PANK1: variants seen among roughly 807,000 people sequenced by gnomAD.
PANK1 encodes pantothenate kinase 1.
In PANK1, 18 loss-of-function variants were observed where a neutral mutation model predicts 40.1. That is an observed-to-expected ratio of 0.45 (90% CI 0.31 to 0.67). The LOEUF (loss-of-function observed/expected upper bound fraction) is 0.67, where lower values mean the gene tolerates loss of function less well. Ranked by LOEUF, PANK1 falls within the 30% of genes least tolerant of loss-of-function variation. The pLI is 0.06. For synonymous variants in PANK1, 242 were observed against 237.7 expected (o/e 1.02, Z -0.17); for missense variants, 457 against 599.6 (o/e 0.76, Z 2.48).
At chr10:89,595,860 ATATATATATATAT>A (rs1844576536) in intron 3 of PANK1, among the ~76,000 whole-genome samples, 2 of 120,484 alleles carry the variant, frequency 1.7e-5, no homozygotes, top group Non-Finnish European at 3.3e-5. Context: ...ATATATATAT[ATATATATATATAT>A]AACTTCATTT....
At chr10:89,610,409 T>C (rs542846972) in intron 2 of PANK1, among the ~76,000 whole-genome samples, 3 of 152,084 alleles carry the variant, frequency 2.0e-5, no homozygotes, top group Non-Finnish European at 4.4e-5. Flanking sequence ...CTGTGGGTCA[T>C]TTAAGTAAGT....
intron 1 of PANK1, among the ~76,000 whole-genome samples, chr10:89,631,678 G>A (rs994411116): frequency 6.6e-6 from 1 of 152,210 alleles, no homozygotes; most frequent in Non-Finnish European, 1.5e-5. Context: ...TGATTCCAAA[G>A]CAGCTTTTTG....
chr10:89,591,258 A>T (rs960650713), intron 5 of PANK1, among the ~76,000 whole-genome samples: 21 of 151,880 alleles, frequency 1.4e-4, no homozygotes, highest in African/African-American at 5.1e-4. Context: ...AAAAAACCCT[A>T]AAAAAAATGG....
chr10:89,600,874 A>C (rs1016818709), intron 2 of PANK1, among the ~76,000 whole-genome samples: 1 of 152,178 alleles, frequency 6.6e-6, no homozygotes, highest in African/African-American at 2.4e-5. Flanking sequence ...TTTTTAAAAA[A>C]TCTCTTTAAA....
rs1845164598 is a variant in PANK1 at position 89,611,846 on chromosome 10, T to A, written c.495A>T (p.Gly165=). The A allele has an allele frequency of 6.2e-7, 1 of 1,614,078 alleles. No individual in the cohort carries two copies. The highest frequency in any genetic ancestry group is 1.1e-5 in the South Asian group (1 of 91,086). ...HLELKNLTMC[G]RKGNLHFIRF... is the part of the protein sequence containing the mutation. ...GGATGAAGTGCAGGTTCCCTTTGCGTCCACACATGGTCAGGTTTTTCAGTT... is the reference window on the plus strand; with the variant it reads ...GGATGAAGTGCAGGTTCCCTTTGCGACCACACATGGTCAGGTTTTTCAGTT... The change falls in exon 2 of 7, where the codon GGA becomes GGT. Residue 165 remains glycine, a synonymous_variant. Transcript: ENST00000307534.
intron 1 of PANK1, among the ~76,000 whole-genome samples, chr10:89,635,084 AATG>A (rs1296422247): frequency 3.3e-5 from 5 of 152,154 alleles, no homozygotes; most frequent in African/African-American, 1.2e-4. Flanking sequence ...AAATAACAGC[AATG>A]ATATTAATAT....
At chr10:89,600,754 G>C (rs908491971) in intron 2 of PANK1, among the ~76,000 whole-genome samples, 1 of 151,946 alleles carries the variant, frequency 6.6e-6, no homozygotes, top group African/African-American at 2.4e-5. Context: ...ATTACTACTG[G>C]CCCAGAGATC....
intron 1 of PANK1, among the ~76,000 whole-genome samples, chr10:89,622,842 A>G (rs1845533304): frequency 6.6e-6 from 1 of 152,122 alleles, no homozygotes; most frequent in African/African-American, 2.4e-5. Flanking sequence ...ATTCCAAAAA[A>G]AAAAAAAACT....
At chr10:89,616,234 A>G in intron 1 of PANK1, among the ~76,000 whole-genome samples, 1 of 152,248 alleles carries the variant, frequency 6.6e-6, no homozygotes, top group Middle Eastern at 3.2e-3. Flanking sequence ...CAAGTGCTAC[A>G]GATAAAATGG....
chr10:89,588,732 T>C lies in PANK1; in HGVS notation c.1246A>G (p.Met416Val). 6.2e-7 allele frequency: 1 copy of C among 1,605,014 alleles called. No individual in the cohort carries two copies. The highest frequency in any genetic ancestry group is 1.1e-5 in the South Asian group (1 of 89,442). ...VFVGNFLRINMVSMKLLAYAM... is the reference protein window; with the variant it reads ...VFVGNFLRINVVSMKLLAYAM... ...TATGCCAGCAGCTTCATGGAGACCA[T>C]ATTGATTCTGAGAAAATTTCCAACA... is the stretch of plus-strand genomic sequence containing the variant. The change falls in exon 6 of 7, where the codon ATG becomes GTG. Residue 416 changes from methionine (M) to valine (V), a missense_variant. Met to Val is a conservative substitution (Grantham distance 21). Around this residue, in one of 4 missense-constraint regions of PANK1, gnomAD observed 286 missense variants for 415.8 expected, o/e 0.69. Transcript: ENST00000307534.
In PANK1 at chr10:89,599,515, AAC is replaced by A. The variant is rs1481377063; in HGVS notation, c.646-12_646-11del. 6.2e-7 allele frequency: 1 copy of A among 1,608,858 alleles called. No homozygotes were observed. The highest frequency in any genetic ancestry group is 2.2e-5 in the East Asian group (1 of 44,824). Reference sequence around the variant, plus strand: ...GCTGCAGGTCAGCAATCTAAAACAAAACACACAACAAAATAAAACCTTGTGAG... The same window carrying A: ...GCTGCAGGTCAGCAATCTAAAACAAAACACAACAAAATAAAACCTTGTGAG... On this transcript the variant is annotated splice_polypyrimidine_tract_variant and intron_variant, in intron 2 of 6. Transcript: ENST00000307534.
intron 3 of PANK1, among the ~76,000 whole-genome samples, chr10:89,595,520 A>T (rs892922737): frequency 1.3e-5 from 2 of 151,312 alleles, no homozygotes; most frequent in African/African-American, 4.9e-5. Context: ...TCATTTGTAT[A>T]AAAGTATACT....
intron 1 of PANK1, among the ~76,000 whole-genome samples, chr10:89,623,841 C>T (rs201714528): frequency 2.8e-4 from 42 of 152,316 alleles, no homozygotes; most frequent in African/African-American, 8.9e-4. Flanking sequence ...GCCTGTTAGA[C>T]GCTTGATACC....
At chr10:89,622,884 A>C (rs1302541963) in intron 1 of PANK1, among the ~76,000 whole-genome samples, 2 of 152,136 alleles carry the variant, frequency 1.3e-5, no homozygotes, top group Non-Finnish European at 1.5e-5. Context: ...ATAATAAGAA[A>C]ACTAATTTAT....
At chr10:89,614,792 CT>C (rs777831033) in intron 1 of PANK1, among the ~76,000 whole-genome samples, 3 of 150,472 alleles carry the variant, frequency 2.0e-5, no homozygotes, top group African/African-American at 7.3e-5. Context: ...GTGAGACCCC[CT>C]ATCTCAAAAA....
intron 1 of PANK1, chr10:89,643,633 C>T: frequency 1.6e-6 from 2 of 1,247,884 alleles, no homozygotes; most frequent in Non-Finnish European, 2.3e-6. Context: ...TTAACAATTT[C>T]CCTATATCGA....
chr10:89,594,819 T>C (rs1844515034), intron 3 of PANK1, among the ~76,000 whole-genome samples: 2 of 152,200 alleles, frequency 1.3e-5, no homozygotes. Context: ...TGTGTATTAA[T>C]ATCAAAGTTA....
chr10:89,631,790 G>T (rs571844910), intron 1 of PANK1, among the ~76,000 whole-genome samples: 5 of 152,150 alleles, frequency 3.3e-5, no homozygotes, highest in African/African-American at 1.2e-4. Flanking sequence ...CAAATGAAAG[G>T]ATTCTCCAGG....
At chr10:89,618,321 TG>T (rs1388984307) in intron 1 of PANK1, among the ~76,000 whole-genome samples, 2 of 152,204 alleles carry the variant, frequency 1.3e-5, no homozygotes, top group South Asian at 2.1e-4. Flanking sequence ...ATACAATGTG[TG>T]GGGGGGTGGT....
Sources: allele counts gnomAD v4.1 joint callset (sites outside exome capture counted in the v4.1 genomes callset), GRCh38; gene constraint gnomAD v4.1.1; regional missense constraint gnomAD v4.1.1; transcripts MANE v1.5; gene names NCBI Gene and HGNC (gene_info 2026-07-23, HGNC 2026-07-21).